The following ETS1 variants were observed in gnomAD, a reference collection of about 807,000 sequenced individuals.
The protein encoded by ETS1 is ETS proto-oncogene 1, transcription factor.
ETS1 carries 15 observed loss-of-function variants against 58.6 expected under a neutral mutation model. The observed-to-expected ratio is 0.26, with a 90% CI of 0.17 to 0.39. The LOEUF (loss-of-function observed/expected upper bound fraction) is 0.39, where lower values mean the gene tolerates loss of function less well. Ranked by LOEUF, ETS1 falls within the 10% of genes least tolerant of loss-of-function variation. The probability of loss-of-function intolerance (pLI) is 1.00; values close to 1 mark genes in which losing one functional copy is unlikely to be tolerated. For missense variants in ETS1, 417 were observed against 610.5 expected, an observed-to-expected ratio of 0.68 and a Z score of 3.34; for synonymous variants, 214 against 218.2, an observed-to-expected ratio of 0.98 and a Z score of 0.17.
intron 3 of ETS1, among the ~76,000 whole-genome samples, chr11:128,538,219 G>A (rs1017750116): frequency 6.6e-6 from 1 of 152,106 alleles, no homozygotes; most frequent in Non-Finnish European, 1.5e-5. Flanking sequence ...AATTATCCTA[G>A]AAAAGTCTAC....
intron 3 of ETS1, among the ~76,000 whole-genome samples, chr11:128,541,282 T>TG (rs1864054508): frequency 6.6e-6 from 1 of 152,102 alleles, no homozygotes; most frequent in Non-Finnish European, 1.5e-5. Flanking sequence ...TTAATAAATA[T>TG]GTGTTGATTA....
intron 2 of ETS1, 40 bp from the exon 3 acceptor site, chr11:128,556,475 AAT>A: frequency 6.9e-7 from 1 of 1,439,654 alleles, no homozygotes. Flanking sequence ...TTAGGAGGAA[AAT>A]CTCTGTTGTT....
chr11:128,469,476 C>A (rs1862126948), intron 8 of ETS1, among the ~76,000 whole-genome samples: 2 of 152,218 alleles, frequency 1.3e-5, no homozygotes, highest in African/African-American at 4.8e-5. Flanking sequence ...TTTCATGCTA[C>A]CACAGGAGGA....
intron 3 of ETS1, among the ~76,000 whole-genome samples, chr11:128,516,667 G>GT (rs976519825): frequency 3.3e-5 from 5 of 152,160 alleles, no homozygotes; most frequent in Admixed American, 6.5e-5. Flanking sequence ...GGGCTGTCTT[G>GT]TGCCAGGACA....
intron 3 of ETS1, among the ~76,000 whole-genome samples, chr11:128,552,722 C>CT (rs11429644): frequency 0.6 from 91,466 of 151,968 alleles, 30,234 homozygotes; most frequent in African/African-American, 0.87. Context: ...ATGGGATGGA[C>CT]GAGGTCTTGT....
rs1423641644 is a variant in ETS1, at chr11:128,500,738, T to G, written c.215-10162A>C. Among the ~76,000 whole-genome samples the G allele has an allele frequency of 2.0e-5, 3 of 152,096 alleles. No individual in the cohort carries two copies. The East Asian group carries it at 5.8e-4, about 29-fold the overall frequency. ...TTTTCCCAGTACATCAGACAAGGAT[T>G]CTCAATATTGGCAGCCACAGGCACT... On this transcript the variant is annotated intron_variant, in intron 3 of 9. Coordinates refer to ENST00000392668, the MANE Select transcript of ETS1 (RefSeq NM_001143820.2).
chr11:128,489,580 G>A (rs1862739952), intron 4 of ETS1, 90 bp from the exon 5 acceptor site: 2 of 968,008 alleles, frequency 2.1e-6, no homozygotes, highest in Admixed American at 1.8e-5. Flanking sequence ...GCTGAATTTA[G>A]CTGAGAATGC....
intron 3 of ETS1, among the ~76,000 whole-genome samples, chr11:128,528,686 A>G (rs1050453357): frequency 2.6e-5 from 4 of 152,204 alleles, no homozygotes; most frequent in Non-Finnish European, 5.9e-5. Flanking sequence ...ATTTTTACAG[A>G]AAAATGAAGC....
intron 3 of ETS1, among the ~76,000 whole-genome samples, chr11:128,508,144 T>C (rs996401809): frequency 2.6e-5 from 4 of 152,190 alleles, no homozygotes; most frequent in Non-Finnish European, 2.9e-5. Context: ...AGGTGTCAAG[T>C]GGAAAATTTT....
intron 7 of ETS1, among the ~76,000 whole-genome samples, 182 bp downstream of exon 7, chr11:128,484,641 G>A (rs1203115004): frequency 6.6e-6 from 1 of 151,980 alleles, no homozygotes; most frequent in Non-Finnish European, 1.5e-5. Context: ...CATAATAATG[G>A]ACTTGGCTAA....
chr11:128,512,483 A>T (rs1863417202), intron 3 of ETS1, among the ~76,000 whole-genome samples: 1 of 152,190 alleles, frequency 6.6e-6, no homozygotes, highest in Non-Finnish European at 1.5e-5. Flanking sequence ...CAGAAATAAC[A>T]TCAATCAGAT....
At chr11:128,584,115 G>A (rs561325830) in intron 1 of ETS1, among the ~76,000 whole-genome samples, 1 of 152,190 alleles carries the variant, frequency 6.6e-6, no homozygotes, top group Non-Finnish European at 1.5e-5. Context: ...GCATGGAGTA[G>A]AAATAAAACT....
chr11:128,482,888 C>CCA (rs1389382123), intron 7 of ETS1, among the ~76,000 whole-genome samples: 1 of 152,110 alleles, frequency 6.6e-6, no homozygotes, highest in African/African-American at 2.4e-5. Flanking sequence ...ACCCAGCCAC[C>CCA]CACTGAGTAG....
chr11:128,523,730 A>G (rs118087633), intron 3 of ETS1, among the ~76,000 whole-genome samples: 1,855 of 152,344 alleles, frequency 0.012, 26 homozygotes, highest in Non-Finnish European at 0.021. Context: ...TGACCAGAGG[A>G]AAATATTTGT....
rs58228263 is a variant in ETS1, at chr11:128,464,355, GAC to G, written c.1124-730_1124-729del. ...CATAGGTTCAGTATATTCTAAATTAGACACACACACACACACACACACACACA... is the reference window on the plus strand; with the variant it reads ...CATAGGTTCAGTATATTCTAAATTAGACACACACACACACACACACACACA... On this transcript the variant is annotated intron_variant, in intron 8 of 9. Transcript: ENST00000392668. The surrounding 1 kb of genome is among the most constrained non-coding windows in gnomAD (Gnocchi z 4.1). 0.18 allele frequency among the ~76,000 whole-genome samples: 25,675 copies of G among 144,666 alleles called. 2,387 individuals carry two copies. Among genetic ancestry groups the G allele is most frequent in the Non-Finnish European group, 0.22 (14,557 of 65,654 alleles). 94.9% of individuals were successfully genotyped at this position (144,666 alleles called of 152,430 possible). A position where few individuals can be genotyped will look rare whatever the true frequency, so the allele number is the denominator to read the frequency against.
At chr11:128,479,401 T>C (rs1359602079) in intron 8 of ETS1, among the ~76,000 whole-genome samples, 2 of 152,240 alleles carry the variant, frequency 1.3e-5, no homozygotes, top group East Asian at 3.8e-4. Context: ...TACAGAGAGA[T>C]CTGATGATTA....
rs1324595135 is a variant in ETS1, at chr11:128,549,903, A to G, written c.214+6388T>C. 1.3e-5 allele frequency among the ~76,000 whole-genome samples: 2 copies of G among 152,204 alleles called. No individual in the cohort carries two copies. The highest frequency in any genetic ancestry group is 3.9e-4 in the East Asian group (2 of 5,190). On this transcript the variant is annotated intron_variant, in intron 3 of 9. Coordinates refer to ENST00000392668, the MANE Select transcript of ETS1 (RefSeq NM_001143820.2). The surrounding 1 kb of genome is among the most constrained non-coding windows in gnomAD (Gnocchi z 4.3). ...TGCTAGCACATTAGCCTTGAGCAAGATAAGAGTGGGCAGGACTCAGATGTG... is the reference window on the plus strand; with the variant it reads ...TGCTAGCACATTAGCCTTGAGCAAGGTAAGAGTGGGCAGGACTCAGATGTG...
chr11:128,458,906 A>G lies in ETS1; in HGVS notation c.*3455T>C, dbSNP rs1861835070. On this transcript the variant is annotated 3_prime_UTR_variant, in exon 10 of 10. Coordinates refer to ENST00000392668, the MANE Select transcript of ETS1 (RefSeq NM_001143820.2). This position sits in a 1 kb window ranked among gnomAD's most constrained non-coding sequence, Gnocchi z 4.3. ...TAAACAAACAAAAAACTCCGCCATAAGAATTTTTTTGCATTTTTTTTTAAA... is the reference window on the plus strand; with the variant it reads ...TAAACAAACAAAAAACTCCGCCATAGGAATTTTTTTGCATTTTTTTTTAAA... 1 of 152,706 alleles carries G rather than the reference A, an allele frequency of 6.5e-6. No individual in the cohort carries two copies. The highest frequency in any genetic ancestry group is 6.6e-5 in the Admixed American group (1 of 15,258). 9.5% of individuals were successfully genotyped at this position (152,706 alleles called of 1,614,324 possible).
At chr11:128,486,169 G>C in intron 5 of ETS1, 23 bp from the exon 6 acceptor site, 2 of 1,448,114 alleles carry the variant, frequency 1.4e-6, no homozygotes, top group Non-Finnish European at 1.9e-6. Context: ...GATAGGGAAG[G>C]AACAAAGAGG....
Sources: gnomAD v4.1 joint callset for allele counts (sites outside exome capture counted in the v4.1 genomes callset) on GRCh38, gnomAD v4.1.1 for gene constraint, Gnocchi (gnomAD v3.1) non-coding constraint, MANE v1.5 for transcripts, NCBI Gene and HGNC (gene_info 2026-07-23, HGNC 2026-07-21) for gene names.